Variants in NFIB observed in about 807,000 individuals in gnomAD.
The protein encoded by NFIB is nuclear factor I B.
Under a neutral mutation model 61.5 loss-of-function variants are expected in NFIB, and 11 were observed. That is an observed-to-expected ratio of 0.18 (90% CI 0.11 to 0.30). The LOEUF is 0.30. NFIB is among the 10% of genes least tolerant of loss of function. The pLI is 1.00. For missense variants in NFIB, 471 were observed against 608.9 expected, an observed-to-expected ratio of 0.77 and a Z score of 2.38; for synonymous variants, 260 against 216.5, an observed-to-expected ratio of 1.20 and a Z score of -1.76.
At chr9:14,478,448 T>C in the NFIB span, among the ~76,000 whole-genome samples, 1 of 152,150 alleles carries the variant, frequency 6.6e-6, no homozygotes, top group African/African-American at 2.4e-5. Context: ...TCCAAACATA[T>C]TAAAGTACTG....
the NFIB span, among the ~76,000 whole-genome samples, chr9:14,467,302 C>T: frequency 1.3e-5 from 2 of 152,154 alleles, no homozygotes; most frequent in African/African-American, 4.8e-5. Context: ...AGAGCTGTTC[C>T]TCTTCCCAGC....
Position 14,088,180 on chromosome 9 carries a change from T to G in NFIB, c.*129A>C. 6.6e-7 allele frequency: 1 copy of G among 1,505,022 alleles called. No individual in the cohort carries two copies. The highest frequency in any genetic ancestry group is 8.9e-7 in the Non-Finnish European group (1 of 1,120,538). 93.2% of individuals were successfully genotyped at this position (1,505,022 alleles called of 1,614,324 possible). A position where few individuals can be genotyped will look rare whatever the true frequency, so the allele number is the denominator to read the frequency against. Reference sequence around the variant, plus strand: ...AAAAAAAAAATTTCTTAAACTATTGTTGTGTTTCTTTTTCCCTCAGTTGCT... The same window carrying G: ...AAAAAAAAAATTTCTTAAACTATTGGTGTGTTTCTTTTTCCCTCAGTTGCT... On this transcript the variant is annotated 3_prime_UTR_variant, in exon 11 of 11. Coordinates refer to ENST00000380953, the MANE Select transcript of NFIB (RefSeq NM_001190737.2).
At chr9:14,440,763 G>A in the NFIB span, among the ~76,000 whole-genome samples, 1 of 152,162 alleles carries the variant, frequency 6.6e-6, no homozygotes, top group Admixed American at 6.5e-5. Context: ...TACATTACGT[G>A]TTCATGTTTC....
chr9:14,224,016 C>A (rs1246457952), intron 2 of NFIB, among the ~76,000 whole-genome samples: 3 of 152,136 alleles, frequency 2.0e-5, no homozygotes, highest in African/African-American at 7.2e-5. Flanking sequence ...CCAAAATAAT[C>A]TAAAACAATA....
At chr9:14,402,439 C>A (rs548029531), upstream of NFIB, among the ~76,000 whole-genome samples, 191 of 152,062 alleles carry the variant, frequency 1.3e-3, 2 homozygotes, top group African/African-American at 4.4e-3. Flanking sequence ...AAGTAAAGGT[C>A]CTTTTTTTAA....
chr9:14,418,225 C>T, the NFIB span, among the ~76,000 whole-genome samples: 3 of 152,078 alleles, frequency 2.0e-5, no homozygotes, highest in Non-Finnish European at 4.4e-5. Flanking sequence ...CACCCTCAAC[C>T]CCACATTTCA....
At chr9:14,372,167 C>T (rs1165677668) in intron 1 of NFIB, among the ~76,000 whole-genome samples, 1 of 150,932 alleles carries the variant, frequency 6.6e-6, no homozygotes, top group African/African-American at 2.4e-5. Context: ...TTATTGAAAA[C>T]AAGAAAATGA....
the NFIB span, among the ~76,000 whole-genome samples, chr9:14,420,469 A>AAAAT: frequency 6.7e-6 from 1 of 149,416 alleles, no homozygotes; most frequent in African/African-American, 2.5e-5. Context: ...AAAAAAAAAA[A>AAAAT]AGATGCTATC....
intron 2 of NFIB, among the ~76,000 whole-genome samples, chr9:14,238,353 A>G (rs1284998585): frequency 6.6e-6 from 1 of 152,164 alleles, no homozygotes; most frequent in Non-Finnish European, 1.5e-5. Context: ...GGCTACAAAT[A>G]TAAATGAGAC....
At chr9:14,336,085 A>G (rs2060883175) in intron 1 of NFIB, among the ~76,000 whole-genome samples, 1 of 152,190 alleles carries the variant, frequency 6.6e-6, no homozygotes, top group African/African-American at 2.4e-5. Context: ...TCGTTATAAG[A>G]AGTCTTGAAA....
chr9:14,409,647 C>T, the NFIB span, among the ~76,000 whole-genome samples: 1 of 152,254 alleles, frequency 6.6e-6, no homozygotes, highest in South Asian at 2.1e-4. Flanking sequence ...CTCACCTTTC[C>T]CCACTTTTGC....
chr9:14,441,152 A>T, the NFIB span, among the ~76,000 whole-genome samples: 1 of 143,274 alleles, frequency 7.0e-6, no homozygotes, highest in African/African-American at 2.5e-5. Context: ...AAAAAAAAAA[A>T]GGAGAGAGAA....
chr9:14,406,950 G>T, the NFIB span, among the ~76,000 whole-genome samples: 1 of 152,188 alleles, frequency 6.6e-6, no homozygotes, highest in East Asian at 1.9e-4. Context: ...AAGCCATTGA[G>T]ATATCATGGT....
chr9:14,456,209 A>ATTTT, the NFIB span, among the ~76,000 whole-genome samples: 13 of 149,014 alleles, frequency 8.7e-5, 1 homozygote, highest in South Asian at 4.2e-4. Flanking sequence ...ACTACTTGGC[A>ATTTT]TTTTTTTTTT....
chr9:14,381,593 A>C (rs2061490158), intron 1 of NFIB, among the ~76,000 whole-genome samples: 1 of 152,262 alleles, frequency 6.6e-6, no homozygotes, highest in Non-Finnish European at 1.5e-5. Flanking sequence ...ACATGATGCA[A>C]ATACATCCAG....
chr9:14,388,100 A>C (rs2061570825), intron 1 of NFIB, among the ~76,000 whole-genome samples: 1 of 152,212 alleles, frequency 6.6e-6, no homozygotes, highest in Non-Finnish European at 1.5e-5. Context: ...AATGAGAAAA[A>C]CAACTTAGAT....
chr9:14,308,598 G>C (rs564612658), intron 1 of NFIB, among the ~76,000 whole-genome samples: 2 of 152,280 alleles, frequency 1.3e-5, no homozygotes, highest in East Asian at 1.9e-4. Flanking sequence ...TGCATGCTGT[G>C]GTGGGGTGAC....
chr9:14,092,678 C>T (rs139492699), intron 10 of NFIB, among the ~76,000 whole-genome samples: 1 of 152,154 alleles, frequency 6.6e-6, no homozygotes, highest in African/African-American at 2.4e-5. Context: ...GCGAAAGAGA[C>T]TAGTGCACAG....
At chr9:14,216,270 C>A (rs73645015) in intron 2 of NFIB, among the ~76,000 whole-genome samples, 1 of 151,996 alleles carries the variant, frequency 6.6e-6, no homozygotes, top group African/African-American at 2.4e-5. Flanking sequence ...CAAAGAAATA[C>A]AATTTGGCAC....
Sources: allele counts gnomAD v4.1 joint callset (sites outside exome capture counted in the v4.1 genomes callset), GRCh38; gene constraint gnomAD v4.1.1; transcripts MANE v1.5; gene names NCBI Gene and HGNC (gene_info 2026-07-23, HGNC 2026-07-21).